The following DHRS7C variants were observed in gnomAD, a reference collection of about 807,000 sequenced individuals.
DHRS7C encodes dehydrogenase/reductase 7C.
In DHRS7C, 28 loss-of-function variants were observed where a neutral mutation model predicts 29.6. The ratio of observed to expected loss-of-function variants is 0.95; its 90% CI spans 0.70 to 1.30. DHRS7C has a LOEUF of 1.30. DHRS7C is among the 50% of genes most tolerant of loss of function. The pLI, the probability that DHRS7C is intolerant of heterozygous loss-of-function variation, is 0.00. For missense variants in DHRS7C, 403 were observed against 393.3 expected, an observed-to-expected ratio of 1.02 and a Z score of -0.21; for synonymous variants, 158 against 160.2, an observed-to-expected ratio of 0.99 and a Z score of 0.10.
At chr17:9,787,058 G>A (rs557191672) in intron 1 of DHRS7C, among the ~76,000 whole-genome samples, 19 of 152,082 alleles carry the variant, frequency 1.2e-4, no homozygotes, top group Admixed American at 7.9e-4. Flanking sequence ...TGATTCTCCC[G>A]CCTCAGCCTC....
chr17:9,782,161 C>T (rs1244951646), intron 1 of DHRS7C, among the ~76,000 whole-genome samples: 1 of 152,116 alleles, frequency 6.6e-6, no homozygotes, highest in Admixed American at 6.5e-5. Context: ...GTAGCAATAC[C>T]GATGATACTT....
chr17:9,786,447 G>A (rs1393794404), intron 1 of DHRS7C, among the ~76,000 whole-genome samples: 1 of 151,360 alleles, frequency 6.6e-6, no homozygotes, highest in Non-Finnish European at 1.5e-5. Context: ...ATAAATTTGA[G>A]GTGTACTGTC....
rs982332859 is a variant in DHRS7C, at chr17:9,775,996, G to A, written c.571+1197C>T. Among the ~76,000 whole-genome samples the A allele has an allele frequency of 3.9e-5, 6 of 152,186 alleles. No homozygotes were observed. The highest frequency in any genetic ancestry group is 8.8e-5 in the Non-Finnish European group (6 of 68,036). On this transcript the variant is annotated intron_variant, in intron 4 of 5. Transcript: ENST00000571134. This position sits in a 1 kb window ranked among gnomAD's most constrained non-coding sequence, Gnocchi z 4.2. ...GCGGGTGAATCACCAGAGGTCAGGA[G>A]TTCGAGATCAGCCTGGCCAATATGG...
rs1019756764 is a variant in DHRS7C at position 9,772,810 on chromosome 17, G to C, written c.684C>G (p.His228Gln). The change falls in exon 5 of 6, where the codon CAC becomes CAG. Residue 228 changes from histidine (H) to glutamine (Q), a missense_variant. His to Gln is a conservative substitution (Grantham distance 24). Coordinates refer to ENST00000571134, the MANE Select transcript of DHRS7C (RefSeq NM_001105571.3). Reference protein sequence around the residue: ...TVSPTFIRSYHVYPEQGNWEA... With the variant: ...TVSPTFIRSYQVYPEQGNWEA... ...CCCAGTTTCCTTGCTCTGGATACAC[G>C]TGGTACGACCGGATGAAAGTCGGGC... 1 of 1,613,950 alleles carries C rather than the reference G, an allele frequency of 6.2e-7. No individual in the cohort carries two copies. The highest frequency in any genetic ancestry group is 2.2e-5 in the East Asian group (1 of 44,864).
At chr17:9,777,335 A>G in intron 3 of DHRS7C, 50 bp from the exon 4 acceptor site, 1 of 1,495,254 alleles carries the variant, frequency 6.7e-7, no homozygotes, top group Middle Eastern at 1.7e-4. Flanking sequence ...AGACTGAGTT[A>G]GGCAGCAGCA....
chr17:9,781,465 C>T lies in DHRS7C; in HGVS notation c.267+17G>A, dbSNP rs1290028101. The T allele has an allele frequency of 2.5e-6, 4 of 1,613,046 alleles. No homozygotes were observed. The highest frequency in any genetic ancestry group is 1.1e-5 in the South Asian group (1 of 91,038). On this transcript the variant is annotated intron_variant, in intron 2 of 5. Transcript: ENST00000571134. The stretch of plus-strand genomic sequence containing the variant: ...AGTTCCCAGGAGTTACCCACGCCTA[C>T]TGCTAGAAGACCTTACCTTGCTGGG...
rs1354080796 is a variant in DHRS7C, at chr17:9,774,054, G to A, written c.572-1132C>T. On this transcript the variant is annotated intron_variant, in intron 4 of 5. Coordinates refer to ENST00000571134, the MANE Select transcript of DHRS7C (RefSeq NM_001105571.3). The surrounding 1 kb of genome is among the most constrained non-coding windows in gnomAD (Gnocchi z 5.0). ...TGCACTTTAAACGGATACATTGTGC[G>A]GTATGTGAATTACACAGCCAATACA... 3.3e-5 allele frequency among the ~76,000 whole-genome samples: 5 copies of A among 152,116 alleles called. No homozygotes were observed. The highest frequency in any genetic ancestry group is 9.7e-5 in the African/African-American group (4 of 41,426).
rs2066356181 is a variant in DHRS7C at position 9,775,356 on chromosome 17, C to G, written c.571+1837G>C. 6.6e-6 allele frequency among the ~76,000 whole-genome samples: 1 copy of G among 152,196 alleles called. No homozygotes were observed. Among genetic ancestry groups the G allele is most frequent in the African/African-American group, 2.4e-5 (1 of 41,452 alleles). On this transcript the variant is annotated intron_variant, in intron 4 of 5. Coordinates refer to ENST00000571134, the MANE Select transcript of DHRS7C (RefSeq NM_001105571.3). This position sits in a 1 kb window ranked among gnomAD's most constrained non-coding sequence, Gnocchi z 4.2. ...TGGGCCCCCAGGTGGACTGCACTTC[C>G]CAGCGTCCCTTGCACTTAGGTGCGA...
chr17:9,780,693 C>A (rs914745746), intron 2 of DHRS7C, among the ~76,000 whole-genome samples: 1 of 152,138 alleles, frequency 6.6e-6, no homozygotes. Context: ...GTTCCGTAGT[C>A]AAATTTGTTT....
At chr17:9,790,787 G>T (rs537167658) in intron 1 of DHRS7C, among the ~76,000 whole-genome samples, 31 of 152,208 alleles carry the variant, frequency 2.0e-4, no homozygotes, top group Non-Finnish European at 4.0e-4. Context: ...CAGCTCCTGA[G>T]TCTGGGCTCA....
intron 1 of DHRS7C, among the ~76,000 whole-genome samples, chr17:9,787,545 T>A (rs80072248): frequency 0.13 from 19,807 of 152,208 alleles, 1,668 homozygotes; most frequent in Non-Finnish European, 0.2. Flanking sequence ...TTCTATTCTT[T>A]TATCAGCTCA....
intron 3 of DHRS7C, among the ~76,000 whole-genome samples, 156 bp downstream of exon 3, chr17:9,779,669 A>T (rs372574522): frequency 1.3e-5 from 2 of 152,244 alleles, no homozygotes; most frequent in East Asian, 3.9e-4. Flanking sequence ...AAACACTTAC[A>T]ATGGGAATGG....
chr17:9,784,981 T>C (rs2066415523), intron 1 of DHRS7C, among the ~76,000 whole-genome samples: 1 of 152,202 alleles, frequency 6.6e-6, no homozygotes, highest in Non-Finnish European at 1.5e-5. Flanking sequence ...GGGTTGTGTG[T>C]TTATGTATGT....
At position 9,791,263 on chromosome 17, in the gene DHRS7C, T is replaced by A; in HGVS notation, c.22A>T (p.Met8Leu). The A allele has an allele frequency of 6.2e-7, 1 of 1,613,666 alleles. No homozygotes were observed. The highest frequency in any genetic ancestry group is 8.5e-7 in the Non-Finnish European group (1 of 1,179,806). Residue 8 changes from methionine to leucine, a missense_variant, in exon 1 of 6, where the codon ATG (methionine) becomes TTG (leucine). Transcript: ENST00000571134. MGVMAML[M>L]LPLLLLGISG... ...ATTCCCAGCAGCAGCAGGGGGAGCA[T>A]CAGCATGGCCATGACTCCCATCTTG...
At chr17:9,781,888 G>A (rs1334269139) in intron 1 of DHRS7C, among the ~76,000 whole-genome samples, 1 of 152,146 alleles carries the variant, frequency 6.6e-6, no homozygotes, top group African/African-American at 2.4e-5. Flanking sequence ...GGATGAACCT[G>A]CCCACCTGGT....
At chr17:9,787,566 C>T (rs1482792156) in intron 1 of DHRS7C, among the ~76,000 whole-genome samples, 4 of 152,162 alleles carry the variant, frequency 2.6e-5, no homozygotes, top group South Asian at 2.1e-4. Context: ...GCAGGTATCT[C>T]GCATCGAGCA....
rs1252585184 is a variant in DHRS7C, at chr17:9,775,668, A to G, written c.571+1525T>C. Reference sequence around the variant, plus strand: ...GAGTAATCAAGTTTTCCCACATCACAGGCTCACAGCACCACAGGCCTAAAC... The same window carrying G: ...GAGTAATCAAGTTTTCCCACATCACGGGCTCACAGCACCACAGGCCTAAAC... On this transcript the variant is annotated intron_variant, in intron 4 of 5. Transcript: ENST00000571134. This position sits in a 1 kb window ranked among gnomAD's most constrained non-coding sequence, Gnocchi z 4.2. Among the ~76,000 whole-genome samples the G allele has an allele frequency of 6.6e-6, 1 of 152,172 alleles. No homozygotes were observed. The highest frequency in any genetic ancestry group is 2.4e-5 in the African/African-American group (1 of 41,446).
intron 1 of DHRS7C, among the ~76,000 whole-genome samples, chr17:9,790,387 G>T (rs1053884478): frequency 6.6e-6 from 1 of 152,178 alleles, no homozygotes; most frequent in African/African-American, 2.4e-5. Flanking sequence ...GGACAATTAC[G>T]GCCCCTCATG....
intron 1 of DHRS7C, among the ~76,000 whole-genome samples, chr17:9,788,834 A>G (rs1056475793): frequency 4.6e-5 from 7 of 152,158 alleles, no homozygotes; most frequent in African/African-American, 1.7e-4. Context: ...TTAAGGTCAC[A>G]CACATCCAGC....
Sources: gnomAD v4.1 joint callset for allele counts (sites outside exome capture counted in the v4.1 genomes callset) on GRCh38, gnomAD v4.1.1 for gene constraint, Gnocchi (gnomAD v3.1) non-coding constraint, MANE v1.5 for transcripts, NCBI Gene and HGNC (gene_info 2026-07-23, HGNC 2026-07-21) for gene names.